Variants in CENPE observed in about 807,000 individuals in gnomAD.
CENPE encodes centromere protein E, also known as centromere-associated protein E.
In CENPE, 145 loss-of-function variants were observed where a neutral mutation model predicts 336.1. That is an observed-to-expected ratio of 0.43 (90% CI 0.38 to 0.50). CENPE has a LOEUF of 0.50. CENPE is among the 20% of genes least tolerant of loss of function. The pLI, the probability that CENPE is intolerant of heterozygous loss-of-function variation, is 0.00. For synonymous variants in CENPE, 1,013 were observed against 984.8 expected (o/e 1.03, Z -0.54); for missense variants, 2,719 against 3,023.3 (o/e 0.90, Z 2.36).
rs566054133 is a variant in CENPE, at chr4:103,159,477, C to T, written c.2287-153G>A. On this transcript the variant is annotated intron_variant, in intron 21 of 48. Coordinates refer to ENST00000265148, the MANE Select transcript of CENPE (RefSeq NM_001813.3). ...GGCAATATAGTAGTACTCTTATTGT[C>T]ACTTTTCCCTAACTCAGCTTGTTTA... Among the ~76,000 whole-genome samples, 121 of 151,956 alleles carry T rather than the reference C, an allele frequency of 8.0e-4. 1 individual carries two copies. Among genetic ancestry groups the T allele is most frequent in the African/African-American group, 2.7e-3 (114 of 41,542 alleles).
rs574793699 is a variant in CENPE at position 103,161,021 on chromosome 4, A to G, written c.2131+65T>C. ...TTTAATCATTGAAATATGCTTGTCA[A>G]ATTGTTTAGGTACATTTCTAGAAGA... On this transcript the variant is annotated intron_variant, in intron 20 of 48. Transcript: ENST00000265148. 6.8e-5 allele frequency: 90 copies of G among 1,323,726 alleles called. 1 individual carries two copies. In the East Asian group the frequency reaches 2.0e-3, roughly 29 times the overall value. The allele number at this position is 1,323,726 out of a possible 1,614,324, so 82.0% of individuals were successfully genotyped here. A position where few individuals can be genotyped will look rare whatever the true frequency, so the allele number is the denominator to read the frequency against.
chr4:103,185,417 A>C (rs72665095), intron 9 of CENPE, among the ~76,000 whole-genome samples: 6,844 of 151,774 alleles, frequency 0.045, 233 homozygotes, highest in Middle Eastern at 0.095. Flanking sequence ...CTTTTTGTCT[A>C]CTAAATATTT....
chr4:103,196,250 G>T lies in CENPE; in HGVS notation c.151C>A (p.Arg51Ser). 6.2e-7 allele frequency: 1 copy of T among 1,600,982 alleles called. No individual in the cohort carries two copies. The highest frequency in any genetic ancestry group is 1.1e-5 in the South Asian group (1 of 90,782). The change falls in exon 3 of 49, where the codon CGT becomes AGT. Residue 51 changes from arginine to serine, a missense_variant and splice_region_variant. By Grantham distance (110) the Arg-to-Ser change is moderately radical (BLOSUM62 -1). Transcript: ENST00000265148. ...GTAGTTTCATTACCATGAAAGACACGATCTAAACAACAACAACAACAACAA... is the reference window on the plus strand; with the variant it reads ...GTAGTTTCATTACCATGAAAGACACTATCTAAACAACAACAACAACAACAA... ...VDGSKSFNFD[R>S]VFHGNETTKN... is the part of the protein sequence containing the mutation.
chr4:103,177,925 T>C (rs1180120469), intron 13 of CENPE, among the ~76,000 whole-genome samples: 1 of 152,050 alleles, frequency 6.6e-6, no homozygotes, highest in East Asian at 1.9e-4. Flanking sequence ...AGTCATAAAC[T>C]AGACCTCTTG....
At chr4:103,175,936 A>G in intron 15 of CENPE, 24 bp downstream of exon 15, 1 of 1,368,426 alleles carries the variant, frequency 7.3e-7, no homozygotes. Flanking sequence ...AAAGCATTAT[A>G]TGCTGTAAAA....
chr4:103,164,590 G>C (rs746766912), intron 16 of CENPE, among the ~76,000 whole-genome samples: 1 of 152,064 alleles, frequency 6.6e-6, no homozygotes, highest in Non-Finnish European at 1.5e-5. Context: ...AATTAACTTT[G>C]AGAACATATT....
chr4:103,177,067 A>T, intron 13 of CENPE, 21 bp from the exon 14 acceptor site: 1 of 1,578,898 alleles, frequency 6.3e-7, no homozygotes, highest in Admixed American at 1.8e-5. Context: ...AGAAATCAAA[A>T]TTATGTCATA....
chr4:103,191,568 TG>T, intron 8 of CENPE, among the ~76,000 whole-genome samples: 2 of 147,370 alleles, frequency 1.4e-5, no homozygotes, highest in Admixed American at 1.4e-4. Flanking sequence ...AAACACCGCA[TG>T]TTCTCACTCA....
chr4:103,163,608 C>CAAAAAAA (rs11315612), intron 16 of CENPE, 55 bp from the exon 17 acceptor site: 26 of 304,356 alleles, frequency 8.5e-5, no homozygotes, highest in South Asian at 1.9e-4. Context: ...TAAAGCAAAG[C>CAAAAAAA]AAAAAAAAAA....
intron 46 of CENPE, among the ~76,000 whole-genome samples, chr4:103,114,066 T>C (rs533480827): frequency 2.9e-4 from 44 of 152,244 alleles, no homozygotes; most frequent in African/African-American, 1.0e-3. Context: ...TTATTTTTAC[T>C]GTACACCAAT....
chr4:103,182,959 T>G (rs1230596486), intron 10 of CENPE, 68 bp from the exon 11 acceptor site: 1 of 1,483,348 alleles, frequency 6.7e-7, no homozygotes. Context: ...AGTTGGTTTT[T>G]AATGCAGAAC....
intron 16 of CENPE, among the ~76,000 whole-genome samples, chr4:103,169,674 A>T (rs1755231320): frequency 6.6e-6 from 1 of 152,182 alleles, no homozygotes; most frequent in Non-Finnish European, 1.5e-5. Flanking sequence ...GAATGCTTTT[A>T]CACTGTTGGT....
At position 103,194,610 on chromosome 4, in the gene CENPE, C is replaced by T. The variant is rs1490634620; in HGVS notation, c.552G>A (p.Lys184=). 2.5e-6 allele frequency: 4 copies of T among 1,606,288 alleles called. No homozygotes were observed. The East Asian group carries it at 6.7e-5, about 27-fold the overall frequency. The change falls in exon 6 of 49, where the codon AAG becomes AAA. Residue 184 remains lysine, a synonymous_variant. Transcript: ENST00000265148. ...TACAGCATAAAGTCTTACTTTCTCC[C>T]TTTGTAATCCATTTCAAAGCCATTT... The part of the protein sequence containing the change: ...TSEMALKWIT[K]GEKSRHYGET...
intron 8 of CENPE, among the ~76,000 whole-genome samples, chr4:103,190,325 G>A (rs1184019398): frequency 4.6e-5 from 7 of 152,072 alleles, no homozygotes; most frequent in East Asian, 1.9e-4. Context: ...AAAAGAGCCC[G>A]CATTGCCAAG....
In CENPE at chr4:103,176,009, T is replaced by A. The variant is rs1419719970; in HGVS notation, c.1430A>T (p.Asp477Val). The A allele has an allele frequency of 1.9e-6, 3 of 1,606,696 alleles. No homozygotes were observed. Among genetic ancestry groups the A allele is most frequent in the Admixed American group, 3.4e-5 (2 of 58,994 alleles). ...SESDVFSNTL[D>V]TLSEIEWNPA... ...ATTCCATTCTATCTCACTTAATGTATCAAGAGTGTTACTGAAAACATCAGA... is the reference window on the plus strand; with the variant it reads ...ATTCCATTCTATCTCACTTAATGTAACAAGAGTGTTACTGAAAACATCAGA... Residue 477 changes from aspartate (D) to valine (V), a missense_variant, in exon 15 of 49, where the codon GAT (aspartate) becomes GTT (valine). Around this residue, in one of 5 missense-constraint regions of CENPE, gnomAD observed 2,437 missense variants for 2,513.3 expected, o/e 0.97. Transcript: ENST00000265148.
intron 20 of CENPE, 29 bp downstream of exon 20, chr4:103,161,057 G>GA (rs772328611): frequency 2.6e-6 from 4 of 1,532,748 alleles, no homozygotes; most frequent in Admixed American, 2.1e-5. Flanking sequence ...AGTCAGATTT[G>GA]AAAAAAGATG....
At chr4:103,127,483 C>T (rs1463878543) in intron 42 of CENPE, among the ~76,000 whole-genome samples, 1 of 151,672 alleles carries the variant, frequency 6.6e-6, no homozygotes, top group African/African-American at 2.4e-5. Flanking sequence ...AATGATATAG[C>T]CAGAAACTCA....
chr4:103,161,255 T>C lies in CENPE; in HGVS notation c.1966-4A>G. On this transcript the variant is annotated splice_polypyrimidine_tract_variant and splice_region_variant and intron_variant, in intron 19 of 48. Coordinates refer to ENST00000265148, the MANE Select transcript of CENPE (RefSeq NM_001813.3). ...TGTATGTAGTTGCAAGTTCTTTCTATTGAGAAAAACATTGCAAATGCACAA... is the reference window on the plus strand; with the variant it reads ...TGTATGTAGTTGCAAGTTCTTTCTACTGAGAAAAACATTGCAAATGCACAA... 1.2e-6 allele frequency: 2 copies of C among 1,606,876 alleles called. No homozygotes were observed. Among genetic ancestry groups the C allele is most frequent in the Non-Finnish European group, 1.7e-6 (2 of 1,177,426 alleles).
chr4:103,113,325 A>T (rs922127927), intron 46 of CENPE, among the ~76,000 whole-genome samples: 2 of 143,156 alleles, frequency 1.4e-5, no homozygotes, highest in Non-Finnish European at 3.0e-5. Flanking sequence ...CCTGTAAAAA[A>T]GTATGTATGA....
Sources: gnomAD v4.1 joint callset for allele counts (sites outside exome capture counted in the v4.1 genomes callset) on GRCh38, gnomAD v4.1.1 for gene constraint, gnomAD v4.1.1 regional missense constraint, MANE v1.5 for transcripts, NCBI Gene and HGNC (gene_info 2026-07-23, HGNC 2026-07-21) for gene names.